TMEM63C: variants seen among roughly 807,000 people sequenced by gnomAD.
TMEM63C encodes osmosensitive cation channel TMEM63C.
A neutral mutation model predicts 99.2 loss-of-function variants in TMEM63C; 32 were observed. The observed-to-expected ratio is 0.32, with a 90% CI of 0.24 to 0.43. The LOEUF (loss-of-function observed/expected upper bound fraction) is 0.43, where lower values mean the gene tolerates loss of function less well. TMEM63C is among the 20% of genes least tolerant of loss of function. The pLI is 1.00. For synonymous variants in TMEM63C, 376 were observed against 397.9 expected, an observed-to-expected ratio of 0.94 and a Z score of 0.66; for missense variants, 826 against 1,053.0, an observed-to-expected ratio of 0.78 and a Z score of 2.98.
chr14:77,245,437 C>T (rs754670887), intron 16 of TMEM63C, among the ~76,000 whole-genome samples: 3 of 152,240 alleles, frequency 2.0e-5, no homozygotes, highest in African/African-American at 4.8e-5. Context: ...CTGATAAAGA[C>T]ATACCCGAGA....
chr14:77,192,484 G>A (rs1888128008), intron 1 of TMEM63C, among the ~76,000 whole-genome samples: 1 of 152,228 alleles, frequency 6.6e-6, no homozygotes, highest in African/African-American at 2.4e-5. Context: ...AGCAGGAAAT[G>A]GATTATTCAA....
At chr14:77,248,269 C>CCT in intron 18 of TMEM63C, 78 bp from the exon 19 acceptor site, 1 of 1,318,718 alleles carries the variant, frequency 7.6e-7, no homozygotes, top group Non-Finnish European at 1.1e-6. Context: ...CTGCTGCTCT[C>CCT]CTCTCTCTCC....
chr14:77,239,191 T>A (rs913943488), intron 10 of TMEM63C, among the ~76,000 whole-genome samples: 1 of 152,212 alleles, frequency 6.6e-6, no homozygotes, highest in African/African-American at 2.4e-5. Context: ...AGCTCCGCCC[T>A]TTTGCCCTGT....
intron 1 of TMEM63C, among the ~76,000 whole-genome samples, chr14:77,193,848 A>T (rs961349288): frequency 2.1e-4 from 32 of 152,112 alleles, no homozygotes; most frequent in Admixed American, 7.9e-4. Context: ...AAAAAAAAAA[A>T]AATTAGCCGG....
At chr14:77,202,825 GCACACACACACA>G (rs60544528) in intron 1 of TMEM63C, among the ~76,000 whole-genome samples, 12,630 of 141,010 alleles carry the variant, frequency 0.09, 742 homozygotes, top group African/African-American at 0.18. Context: ...ACAGGCAGGC[GCACACACACACA>G]CACACACACA....
chr14:77,226,331 T>C (rs534307489), intron 6 of TMEM63C, among the ~76,000 whole-genome samples: 56 of 152,320 alleles, frequency 3.7e-4, no homozygotes, highest in African/African-American at 1.3e-3. Flanking sequence ...CATTGCACCG[T>C]GCATCCAGCA....
Position 77,249,281 on chromosome 14 carries a change from T to C in TMEM63C, c.1871-10T>C, listed in dbSNP as rs771057792. 6.2e-7 allele frequency: 1 copy of C among 1,613,394 alleles called. No homozygotes were observed. The highest frequency in any genetic ancestry group is 1.3e-5 in the African/African-American group (1 of 74,914). ...GGGCCACTGAGTAAGTTTCCACCTTTGTCCCCCAGGGTTGCTCTACCTGTG... is the reference window on the plus strand; with the variant it reads ...GGGCCACTGAGTAAGTTTCCACCTTCGTCCCCCAGGGTTGCTCTACCTGTG... On this transcript the variant is annotated splice_polypyrimidine_tract_variant and intron_variant, in intron 20 of 23. Transcript: ENST00000298351.
At chr14:77,236,936 TCCACCC>T (rs1156398185) in intron 9 of TMEM63C, among the ~76,000 whole-genome samples, 34 of 110,826 alleles carry the variant, frequency 3.1e-4, no homozygotes, top group South Asian at 6.4e-4. Context: ...CTCACCCTTC[TCCACCC>T]TCTCACCCTC....
At chr14:77,226,282 T>A (rs1888823349) in intron 6 of TMEM63C, among the ~76,000 whole-genome samples, 1 of 152,072 alleles carries the variant, frequency 6.6e-6, no homozygotes, top group South Asian at 2.1e-4. Flanking sequence ...GAGGCCCCTC[T>A]GTCAGGGACC....
At chr14:77,196,681 AT>A (rs1888220086) in intron 1 of TMEM63C, among the ~76,000 whole-genome samples, 1 of 152,226 alleles carries the variant, frequency 6.6e-6, no homozygotes, top group Non-Finnish European at 1.5e-5. Context: ...GACAGATGGT[AT>A]CTTCATAGAC....
chr14:77,251,730 G>C, intron 21 of TMEM63C, 59 bp from the exon 22 acceptor site: 1 of 1,417,276 alleles, frequency 7.1e-7, no homozygotes, highest in South Asian at 1.1e-5. Context: ...GCATCTGCCA[G>C]TTGGGGTGGC....
intron 1 of TMEM63C, among the ~76,000 whole-genome samples, chr14:77,205,443 C>T (rs1888379621): frequency 6.6e-6 from 1 of 152,160 alleles, no homozygotes; most frequent in South Asian, 2.1e-4. Context: ...CACATCTCAT[C>T]CTCTTTAGCA....
At chr14:77,202,863 A>ACACACACACG (rs1888325152) in intron 1 of TMEM63C, among the ~76,000 whole-genome samples, 1 of 68,192 alleles carries the variant, frequency 1.5e-5, no homozygotes, top group East Asian at 1.3e-3. Context: ...ACACACACAC[A>ACACACACACG]CACGCACACA....
chr14:77,252,185 C>T (rs1380065092), intron 22 of TMEM63C, among the ~76,000 whole-genome samples: 5 of 152,202 alleles, frequency 3.3e-5, no homozygotes, highest in South Asian at 2.1e-4. Flanking sequence ...CAGGCTGCTG[C>T]GATGTGAGTC....
chr14:77,218,889 C>T lies in TMEM63C; in HGVS notation c.76C>T (p.Arg26Trp), dbSNP rs548280197. ...NMTVDECFQS[R>W]NTVLQGQPFG... ...GACAGTGGATGAATGCTTCCAGTCT[C>T]GGAACACCGTCCTCCAGGGGCAGCC... The change falls in exon 3 of 24, where the codon CGG becomes TGG. Residue 26 changes from arginine (R) to tryptophan (W), a missense_variant. Coordinates refer to ENST00000298351, the MANE Select transcript of TMEM63C (RefSeq NM_020431.4). The T allele has an allele frequency of 3.8e-5, 61 of 1,613,290 alleles. No individual in the cohort carries two copies. The highest frequency in any genetic ancestry group is 4.8e-5 in the Non-Finnish European group (57 of 1,179,614).
chr14:77,224,937 AG>A (rs1235255079), intron 5 of TMEM63C, among the ~76,000 whole-genome samples: 1 of 152,028 alleles, frequency 6.6e-6, no homozygotes, highest in Non-Finnish European at 1.5e-5. Context: ...TGAGCTGCTG[AG>A]ATGACAAGTG....
intron 5 of TMEM63C, among the ~76,000 whole-genome samples, chr14:77,222,574 C>G (rs751868654): frequency 3.9e-5 from 6 of 152,208 alleles, no homozygotes; most frequent in Non-Finnish European, 7.3e-5. Flanking sequence ...GTGCCGTGGC[C>G]TGGTAGTTTG....
chr14:77,238,550 TTCTTGGC>T, intron 9 of TMEM63C, 137 bp from the exon 10 acceptor site: 1 of 672,822 alleles, frequency 1.5e-6, no homozygotes, highest in Non-Finnish European at 2.6e-6. Context: ...GGCTCTGGCT[TTCTTGGC>T]TCTCTCAGCA....
At chr14:77,249,262 CTGAG>C (rs757020032) in intron 20 of TMEM63C, 25 bp from the exon 21 acceptor site, 1 of 1,611,148 alleles carries the variant, frequency 6.2e-7, no homozygotes, top group Non-Finnish European at 8.5e-7. Context: ...GAAGGGGCCA[CTGAG>C]TAAGTTTCCA....
Sources: allele counts gnomAD v4.1 joint callset (sites outside exome capture counted in the v4.1 genomes callset), GRCh38; gene constraint gnomAD v4.1.1; transcripts MANE v1.5; gene names NCBI Gene and HGNC (gene_info 2026-07-23, HGNC 2026-07-21).